TNKS: variants seen among roughly 807,000 people sequenced by gnomAD.
The protein encoded by TNKS is tankyrase, also known as poly [ADP-ribose] polymerase tankyrase-1.
A neutral mutation model predicts 135.8 loss-of-function variants in TNKS; 72 were observed. The observed-to-expected ratio is 0.53, with a 90% CI of 0.44 to 0.64. TNKS has a LOEUF of 0.64. Among genes scored for constraint, TNKS ranks in the 30% least tolerant of loss-of-function variants. The pLI, the probability that TNKS is intolerant of heterozygous loss-of-function variation, is 0.00. For missense variants in TNKS, 1,769 were observed against 1,674.0 expected (o/e 1.06, Z -0.99); for synonymous variants, 849 against 649.3 (o/e 1.31, Z -4.68).
chr8:9,611,984 A>G (rs1473433715), intron 2 of TNKS, among the ~76,000 whole-genome samples: 2 of 151,984 alleles, frequency 1.3e-5, no homozygotes, highest in Non-Finnish European at 2.9e-5. Flanking sequence ...GCTGTTTTTT[A>G]TTTTTATTTT....
chr8:9,631,335 C>G (rs1368907169), intron 3 of TNKS, among the ~76,000 whole-genome samples: 2 of 152,154 alleles, frequency 1.3e-5, no homozygotes, highest in African/African-American at 4.8e-5. Flanking sequence ...AGATTAAGAA[C>G]TATCTAAGTC....
intron 3 of TNKS, among the ~76,000 whole-genome samples, chr8:9,643,696 A>T (rs1159404670): frequency 7.9e-5 from 12 of 152,170 alleles, no homozygotes; most frequent in Non-Finnish European, 1.8e-4. Context: ...TGTAAGCACT[A>T]TGGAAAACAG....
At chr8:9,580,770 A>G (rs1016027384) in intron 2 of TNKS, among the ~76,000 whole-genome samples, 1 of 152,172 alleles carries the variant, frequency 6.6e-6, no homozygotes, top group Non-Finnish European at 1.5e-5. Flanking sequence ...AAGGAAACTC[A>G]TCTAGTATAG....
At chr8:9,657,231 C>T (rs1308974415) in intron 3 of TNKS, among the ~76,000 whole-genome samples, 18 of 125,984 alleles carry the variant, frequency 1.4e-4, no homozygotes, top group South Asian at 8.2e-4. Context: ...CCGGACGGGG[C>T]GGCTGGCCGG....
chr8:9,704,881 C>T (rs1277583159), intron 6 of TNKS, 124 bp downstream of exon 6: 1 of 588,952 alleles, frequency 1.7e-6, no homozygotes, highest in African/African-American at 1.8e-5. Flanking sequence ...TAAGAATGTT[C>T]ATAACTCTGG....
intron 1 of TNKS, among the ~76,000 whole-genome samples, chr8:9,567,991 C>A (rs1258762814): frequency 1.3e-5 from 2 of 151,968 alleles, no homozygotes; most frequent in Non-Finnish European, 2.9e-5. Flanking sequence ...CTCTATTGTC[C>A]TGGAGCGTTT....
intron 3 of TNKS, among the ~76,000 whole-genome samples, chr8:9,648,169 A>G (rs990174821): frequency 6.6e-6 from 1 of 152,174 alleles, no homozygotes; most frequent in Admixed American, 6.5e-5. Flanking sequence ...GTACACTACT[A>G]TAGACTTCAT....
chr8:9,688,892 C>T (rs991602434), intron 5 of TNKS, among the ~76,000 whole-genome samples: 2 of 152,152 alleles, frequency 1.3e-5, no homozygotes, highest in African/African-American at 4.8e-5. Flanking sequence ...CCACCCACCT[C>T]GGCCTCCCAA....
chr8:9,674,426 G>T (rs918022690), intron 3 of TNKS, among the ~76,000 whole-genome samples: 1 of 152,140 alleles, frequency 6.6e-6, no homozygotes, highest in African/African-American at 2.4e-5. Flanking sequence ...TTATGTTTTG[G>T]TAGTGATAAT....
chr8:9,562,615 C>T (rs750546488), intron 1 of TNKS, among the ~76,000 whole-genome samples: 33 of 152,132 alleles, frequency 2.2e-4, no homozygotes, highest in Non-Finnish European at 3.5e-4. Context: ...GACATTCTGA[C>T]AATCTGTGTC....
chr8:9,741,198 T>C (rs1805941126), intron 17 of TNKS: 1 of 152,456 alleles, frequency 6.6e-6, no homozygotes, highest in South Asian at 2.1e-4. Context: ...ATAATTGTTC[T>C]CTTCATATGG....
At chr8:9,744,796 T>C (rs1184347254) in intron 17 of TNKS, among the ~76,000 whole-genome samples, 1 of 152,202 alleles carries the variant, frequency 6.6e-6, no homozygotes, top group Non-Finnish European at 1.5e-5. Context: ...TCTATTTGGG[T>C]AGTAATATAC....
At chr8:9,602,386 G>T (rs1266863207) in intron 2 of TNKS, among the ~76,000 whole-genome samples, 1 of 152,164 alleles carries the variant, frequency 6.6e-6, no homozygotes. Context: ...TTTTGGAAGA[G>T]CCAGTAGAAG....
In TNKS at chr8:9,734,949, T is replaced by G; in HGVS notation, c.2398T>G (p.Leu800Val). The change falls in exon 16 of 27, where the codon TTA (leucine) becomes GTA (valine). Residue 800 changes from leucine to valine, a missense_variant. Physicochemically the swap from Leu to Val is conservative, Grantham distance 32. This residue lies in a region of TNKS where 722 missense variants were observed against 688.9 expected (regional missense o/e 1.05). Transcript: ENST00000310430. ...VKEGDTDIQD[L>V]LRGDAALLDA... ...GGAAGGAGACACAGATATTCAGGACTTACTGAGAGGGGATGCTGCTTTGTT... is the reference window on the plus strand; with the variant it reads ...GGAAGGAGACACAGATATTCAGGACGTACTGAGAGGGGATGCTGCTTTGTT... 6.2e-7 allele frequency: 1 copy of G among 1,614,136 alleles called. No homozygotes were observed. The highest frequency in any genetic ancestry group is 8.5e-7 in the Non-Finnish European group (1 of 1,180,012).
chr8:9,559,423 G>C (rs1797235063), intron 1 of TNKS, among the ~76,000 whole-genome samples: 1 of 152,134 alleles, frequency 6.6e-6, no homozygotes, highest in South Asian at 2.1e-4. Flanking sequence ...CAGTTCTATA[G>C]AATGAAATGA....
chr8:9,662,898 T>A (rs1801792010), intron 3 of TNKS, among the ~76,000 whole-genome samples: 1 of 152,220 alleles, frequency 6.6e-6, no homozygotes, highest in African/African-American at 2.4e-5. Flanking sequence ...AACATACTAA[T>A]CCCCAGAACC....
intron 17 of TNKS, among the ~76,000 whole-genome samples, chr8:9,746,578 A>G (rs1487264615): frequency 1.3e-5 from 2 of 152,092 alleles, no homozygotes; most frequent in East Asian, 1.9e-4. Context: ...TCCACCTTGT[A>G]ATTATCTTTC....
intron 11 of TNKS, among the ~76,000 whole-genome samples, chr8:9,711,397 G>C (rs1034077870): frequency 2.6e-5 from 4 of 152,166 alleles, no homozygotes; most frequent in Non-Finnish European, 5.9e-5. Context: ...TTTTGGCATA[G>C]TGTACTTTAC....
Position 9,556,501 on chromosome 8 carries a change from G to A in TNKS, c.562G>A (p.Glu188Lys). 1 of 1,614,184 alleles carries A rather than the reference G, an allele frequency of 6.2e-7. No individual in the cohort carries two copies. Among genetic ancestry groups the A allele is most frequent in the Non-Finnish European group, 8.5e-7 (1 of 1,180,046 alleles). Residue 188 changes from glutamate to lysine, a missense_variant, in exon 1 of 27, where the codon GAG becomes AAG. Around this residue, in one of 5 missense-constraint regions of TNKS, gnomAD observed 450 missense variants for 304.9 expected, o/e 1.48. Coordinates refer to ENST00000310430, the MANE Select transcript of TNKS (RefSeq NM_003747.3). ...AVSGALRELL[E>K]ACRNGDVSRV... ...GAGCGGGGCCCTACGGGAACTGCTG[G>A]AGGCCTGTCGCAATGGGGACGTGTC...
Sources: allele counts gnomAD v4.1 joint callset (sites outside exome capture counted in the v4.1 genomes callset), GRCh38; gene constraint gnomAD v4.1.1; regional missense constraint gnomAD v4.1.1; transcripts MANE v1.5; gene names NCBI Gene and HGNC (gene_info 2026-07-23, HGNC 2026-07-21).